The following SHC2 variants were observed in gnomAD, a reference collection of about 807,000 sequenced individuals.
The protein encoded by SHC2 is SHC-transforming protein 2.
Under a neutral mutation model 60.6 loss-of-function variants are expected in SHC2, and 62 were observed. That is an observed-to-expected ratio of 1.02 (90% CI 0.83 to 1.26). SHC2 has a LOEUF of 1.26. Among genes scored for constraint, SHC2 ranks in the 50% most tolerant of loss-of-function variants. SHC2 has a pLI of 0.00. For missense variants in SHC2, 873 were observed against 822.2 expected, an observed-to-expected ratio of 1.06 and a Z score of -0.76; for synonymous variants, 375 against 372.4, an observed-to-expected ratio of 1.01 and a Z score of -0.08.
rs565771337 is a variant in SHC2, at chr19:423,088, C to T, written c.1310-632G>A. Among the ~76,000 whole-genome samples the T allele has an allele frequency of 2.9e-4, 44 of 152,250 alleles. 1 individual carries two copies. Among genetic ancestry groups the T allele is most frequent in the African/African-American group, 1.0e-3 (43 of 41,542 alleles). On this transcript the variant is annotated intron_variant, in intron 10 of 12. Transcript: ENST00000264554. ...GAGATGCATCTACCCGTGGCTGGGG[C>T]GGCCTTGAATTCCTCCAGCTCCTGG...
At chr19:457,148 C>T (rs112283531) in intron 1 of SHC2, among the ~76,000 whole-genome samples, 3 of 127,234 alleles carry the variant, frequency 2.4e-5, no homozygotes, top group Admixed American at 7.5e-5. Flanking sequence ...GTCTGCAAAC[C>T]CCACCACATC....
intron 11 of SHC2, among the ~76,000 whole-genome samples, chr19:420,275 C>T (rs1974236598): frequency 6.6e-6 from 1 of 152,224 alleles, no homozygotes; most frequent in African/African-American, 2.4e-5. Context: ...CGCCCAAGCC[C>T]TGCCCCCTCC....
In SHC2 at chr19:422,121, A is replaced by T; in HGVS notation, c.1620+25T>A. The T allele has an allele frequency of 7.4e-7, 1 of 1,351,494 alleles. No homozygotes were observed. Among genetic ancestry groups the T allele is most frequent in the Non-Finnish European group, 9.7e-7 (1 of 1,033,184 alleles). The allele number at this position is 1,351,494 out of a possible 1,614,324, so 83.7% of individuals were successfully genotyped here. Reference sequence around the variant, plus strand: ...CAGCGAAGCCCCTGGATGCCCCGAGACCCTCCCACCTGTGCACAGCTTACC... The same window carrying T: ...CAGCGAAGCCCCTGGATGCCCCGAGTCCCTCCCACCTGTGCACAGCTTACC... On this transcript the variant is annotated intron_variant, in intron 11 of 12. Coordinates refer to ENST00000264554, the MANE Select transcript of SHC2 (RefSeq NM_012435.3). The surrounding 1 kb of genome is among the most constrained non-coding windows in gnomAD (Gnocchi z 5.0).
intron 1 of SHC2, among the ~76,000 whole-genome samples, chr19:454,924 C>T (rs557409284): frequency 6.6e-6 from 1 of 152,266 alleles, no homozygotes; most frequent in Non-Finnish European, 1.5e-5. Context: ...TCCCTGACAT[C>T]CTTGGCCCGT....
At chr19:460,403 G>T in intron 1 of SHC2, 126 bp downstream of exon 1, 1 of 368,944 alleles carries the variant, frequency 2.7e-6, no homozygotes, top group Non-Finnish European at 4.5e-6. Flanking sequence ...GGGGTCCGGG[G>T]TGGCGGGAGA....
chr19:426,828 C>T (rs1390850621), intron 9 of SHC2, among the ~76,000 whole-genome samples: 2 of 142,482 alleles, frequency 1.4e-5, no homozygotes, highest in African/African-American at 5.3e-5. Context: ...GGGCAGAGTC[C>T]GGGGAGGGAG....
At chr19:421,462 A>AGACG (rs1555703215) in intron 11 of SHC2, among the ~76,000 whole-genome samples, 1 of 66,342 alleles carries the variant, frequency 1.5e-5, no homozygotes, top group Non-Finnish European at 3.1e-5. Context: ...AGGGAGGGAG[A>AGACG]GAGGGAGGAA....
Position 441,084 on chromosome 19 carries a change from C to A in SHC2, c.469-152G>T. 1 of 979,642 alleles carries A rather than the reference C, an allele frequency of 1.0e-6. No individual in the cohort carries two copies. Among genetic ancestry groups the A allele is most frequent in the South Asian group, 4.7e-5 (1 of 21,072 alleles). 60.7% of individuals were successfully genotyped at this position (979,642 alleles called of 1,614,324 possible). A position where few individuals can be genotyped will look rare whatever the true frequency, so the allele number is the denominator to read the frequency against. ...CTCTGGGGCCGTCGTGCCTCCCCCA[C>A]CTCAAGGCCCAGCCTTGACACTGTC... On this transcript the variant is annotated intron_variant, in intron 1 of 12. Coordinates refer to ENST00000264554, the MANE Select transcript of SHC2 (RefSeq NM_012435.3). The surrounding 1 kb of genome is among the most constrained non-coding windows in gnomAD (Gnocchi z 4.9).
rs369197798 is a variant in SHC2 at position 443,859 on chromosome 19, T to A, written c.469-2927A>T. Among the ~76,000 whole-genome samples the A allele has an allele frequency of 8.5e-4, 114 of 134,372 alleles. 1 individual carries two copies. In the East Asian group the frequency reaches 0.021, roughly 25 times the overall value. 88.2% of individuals were successfully genotyped at this position (134,372 alleles called of 152,430 possible). On this transcript the variant is annotated intron_variant, in intron 1 of 12. Coordinates refer to ENST00000264554, the MANE Select transcript of SHC2 (RefSeq NM_012435.3). ...GTGCATGGGTGGATGGATGGACGGA[T>A]GGATGGGTGGATGGATGTGTAGGTG...
At chr19:442,494 G>C (rs1323027450) in intron 1 of SHC2, among the ~76,000 whole-genome samples, 1 of 116,654 alleles carries the variant, frequency 8.6e-6, no homozygotes, top group Non-Finnish European at 1.8e-5. Context: ...TGGGTGGATG[G>C]ATGGATGGAC....
At chr19:431,870 GAGTT>G (rs566810620) in intron 8 of SHC2, among the ~76,000 whole-genome samples, 2 of 25,786 alleles carry the variant, frequency 7.8e-5, no homozygotes, top group Admixed American at 4.5e-4. Context: ...TCGTGAGTGA[GAGTT>G]AGAGGAGGCC....
rs1366597844 is a variant in SHC2 at position 418,936 on chromosome 19, C to T, written c.1741G>A (p.Glu581Lys). ...GCAGCCACACACCTGGCTCAGGGCT[C>T]CCGTGAGACCACGCCACGCAGGTGC... ...ELHLRGVVSR[E>K]P The change falls in exon 12 of 13, where the codon GAG becomes AAG. Residue 581 changes from glutamate to lysine, a missense_variant. Coordinates refer to ENST00000264554, the MANE Select transcript of SHC2 (RefSeq NM_012435.3). 15 of 1,589,606 alleles carry T rather than the reference C, an allele frequency of 9.4e-6. No homozygotes were observed. The highest frequency in any genetic ancestry group is 1.2e-5 in the Non-Finnish European group (14 of 1,168,176).
At chr19:435,869 G>C (rs941004590) in intron 7 of SHC2, 3 of 352,742 alleles carry the variant, frequency 8.5e-6, no homozygotes, top group East Asian at 9.7e-5. Flanking sequence ...TGCGGGAGCC[G>C]GCCGCGCGTC....
At position 440,447 on chromosome 19, in the gene SHC2, A is replaced by G. The variant is rs1388433708; in HGVS notation, c.539+415T>C. Among the ~76,000 whole-genome samples, 1 of 152,174 alleles carries G rather than the reference A, an allele frequency of 6.6e-6. No individual in the cohort carries two copies. Among genetic ancestry groups the G allele is most frequent in the Non-Finnish European group, 1.5e-5 (1 of 68,024 alleles). On this transcript the variant is annotated intron_variant, in intron 2 of 12. Transcript: ENST00000264554. This position sits in a 1 kb window ranked among gnomAD's most constrained non-coding sequence, Gnocchi z 7.0. ...AGGGTGTCGCTCTCTTCCCTGCTTA[A>G]GCCCTGGCCATATCCACAGCCCCTG...
chr19:451,667 G>A lies in SHC2; in HGVS notation c.468+8862C>T, dbSNP rs188110864. On this transcript the variant is annotated intron_variant, in intron 1 of 12. Transcript: ENST00000264554. ...GGCTGGAGTGCAGTGGCGTGATCTC[G>A]GCTCACTGCAACCTCCACCTCTTGG... is the stretch of plus-strand genomic sequence containing the variant. Among the ~76,000 whole-genome samples, 931 of 152,168 alleles carry A rather than the reference G, an allele frequency of 6.1e-3. 10 individuals carry two copies. The highest frequency in any genetic ancestry group is 0.021 in the African/African-American group (882 of 41,514).
In SHC2 at chr19:438,593, C is replaced by T; in HGVS notation, c.720+125G>A. On this transcript the variant is annotated intron_variant, in intron 4 of 12. Coordinates refer to ENST00000264554, the MANE Select transcript of SHC2 (RefSeq NM_012435.3). This position sits in a 1 kb window ranked among gnomAD's most constrained non-coding sequence, Gnocchi z 5.0. ...ACCCCCAGCTCCTGCTCAGCGGGGC[C>T]TCGGCTCGTCTTTCTGGATAAACGC... 3 of 1,163,770 alleles carry T rather than the reference C, an allele frequency of 2.6e-6. No homozygotes were observed. The South Asian group carries it at 4.6e-5, about 18-fold the overall frequency. The allele number at this position is 1,163,770 out of a possible 1,614,324, so 72.1% of individuals were successfully genotyped here.
Position 440,877 on chromosome 19 carries a change from C to G in SHC2, c.524G>C (p.Arg175Pro). Residue 175 changes from arginine to proline, a missense_variant, in exon 2 of 13, where the codon CGC (arginine) becomes CCC (proline). Physicochemically the swap from Arg to Pro is moderately radical, Grantham distance 103. Transcript: ENST00000264554. This position sits in a 1 kb window ranked among gnomAD's most constrained non-coding sequence, Gnocchi z 7.0. ...RSMRSLDFNT[R>P]TQVTREAINR... ...GGAGGCTCACCTGGTCACCTGCGTG[C>G]GCGTGTTAAAGTCCAGGGAGCGCAT... 1 of 1,612,712 alleles carries G rather than the reference C, an allele frequency of 6.2e-7. No homozygotes were observed.
Position 425,453 on chromosome 19 carries a change from G to A in SHC2, c.1175-222C>T, listed in dbSNP as rs1974392062. The stretch of plus-strand genomic sequence containing the variant: ...CCGTCGGGGCTCCAACCAGGGACAA[G>A]AGTGGGGCAGCGTGCGGCTGGGGCT... On this transcript the variant is annotated intron_variant, in intron 9 of 12. Coordinates refer to ENST00000264554, the MANE Select transcript of SHC2 (RefSeq NM_012435.3). The surrounding 1 kb of genome is among the most constrained non-coding windows in gnomAD (Gnocchi z 4.1). Among the ~76,000 whole-genome samples, 1 of 152,216 alleles carries A rather than the reference G, an allele frequency of 6.6e-6. No homozygotes were observed. The highest frequency in any genetic ancestry group is 2.4e-5 in the African/African-American group (1 of 41,450).
intron 1 of SHC2, 38 bp downstream of exon 1, chr19:460,491 C>A: frequency 9.7e-7 from 1 of 1,035,210 alleles, no homozygotes; most frequent in East Asian, 5.7e-5. Flanking sequence ...GGGGAGGCCG[C>A]CGCGAACGGG....
Sources: allele counts gnomAD v4.1 joint callset (sites outside exome capture counted in the v4.1 genomes callset), GRCh38; gene constraint gnomAD v4.1.1; non-coding constraint Gnocchi (gnomAD v3.1); transcripts MANE v1.5; gene names NCBI Gene and HGNC (gene_info 2026-07-23, HGNC 2026-07-21).